Variants in SYNE1 observed in about 807,000 individuals in gnomAD.
SYNE1 encodes spectrin repeat containing nuclear envelope protein 1.
Under a neutral mutation model 1,111.0 loss-of-function variants are expected in SYNE1, and 616 were observed. The observed-to-expected ratio is 0.55, with a 90% confidence interval of 0.52 to 0.59. SYNE1 has a LOEUF of 0.59. SYNE1 is among the 20% of genes least tolerant of loss of function. SYNE1 has a pLI of 0.00. For missense variants in SYNE1, 10,006 were observed against 10,417.0 expected, an observed-to-expected ratio of 0.96 and a Z score of 1.72; for synonymous variants, 3,855 against 3,825.8, an observed-to-expected ratio of 1.01 and a Z score of -0.28.
At chr6:152,401,477 T>C (rs1385172447) in intron 46 of SYNE1, 136 bp from the exon 47 acceptor site, 30 of 834,196 alleles carry the variant, frequency 3.6e-5, no homozygotes, top group Non-Finnish European at 5.2e-5. Flanking sequence ...AATGTTAATA[T>C]GCCTTTCCAA....
At chr6:152,219,207 C>T (rs776718386) in intron 119 of SYNE1, 22 bp from the exon 120 acceptor site, 1 of 1,611,184 alleles carries the variant, frequency 6.2e-7, no homozygotes, top group Non-Finnish European at 8.5e-7. Context: ...GAAAATATGC[C>T]CACTCTGAAG....
chr6:152,606,978 CTTTTTTTTTTTT>C (rs71017544), intron 3 of SYNE1, among the ~76,000 whole-genome samples: 3 of 62,210 alleles, frequency 4.8e-5, no homozygotes, highest in African/African-American at 7.5e-5. Context: ...CCTCGGTTCT[CTTTTTTTTTTTT>C]TTTTTTTTTT....
At chr6:152,532,712 C>T (rs1377338724) in intron 4 of SYNE1, among the ~76,000 whole-genome samples, 1 of 152,114 alleles carries the variant, frequency 6.6e-6, no homozygotes, top group African/African-American at 2.4e-5. Context: ...GTGCACAGAA[C>T]GACCCATAAC....
chr6:152,243,622 G>A (rs1472116104), intron 106 of SYNE1, among the ~76,000 whole-genome samples: 1 of 152,084 alleles, frequency 6.6e-6, no homozygotes, highest in Admixed American at 6.5e-5. Context: ...TGGGGGAGGT[G>A]GGCTTATGAT....
intron 114 of SYNE1, 29 bp from the exon 115 acceptor site, chr6:152,230,731 C>T: frequency 6.2e-7 from 1 of 1,610,556 alleles, no homozygotes; most frequent in Non-Finnish European, 8.5e-7. Context: ...ATGAAATTTG[C>T]AACTTTATTT....
intron 127 of SYNE1, among the ~76,000 whole-genome samples, chr6:152,193,107 G>GT (rs1365471132): frequency 6.6e-6 from 1 of 151,812 alleles, no homozygotes; most frequent in African/African-American, 2.4e-5. Flanking sequence ...TTTATTATTT[G>GT]TTTTTTTCTG....
intron 128 of SYNE1, among the ~76,000 whole-genome samples, chr6:152,189,000 T>C (rs1274524227): frequency 8.5e-6 from 1 of 117,358 alleles, no homozygotes; most frequent in African/African-American, 3.6e-5. Flanking sequence ...TATATATATA[T>C]ATATATATAT....
intron 10 of SYNE1, among the ~76,000 whole-genome samples, chr6:152,499,829 T>C (rs945268041): frequency 3.3e-5 from 5 of 152,206 alleles, no homozygotes; most frequent in African/African-American, 1.2e-4. Flanking sequence ...ATCCTCTTTT[T>C]AGGAAAGGGA....
intron 84 of SYNE1, among the ~76,000 whole-genome samples, chr6:152,320,789 C>T (rs1340777546): frequency 6.6e-6 from 1 of 152,188 alleles, no homozygotes; most frequent in African/African-American, 2.4e-5. Context: ...CACCCGCATG[C>T]ATTTTAGGAA....
chr6:152,438,217 G>A (rs542555248), intron 32 of SYNE1, among the ~76,000 whole-genome samples: 1 of 152,144 alleles, frequency 6.6e-6, no homozygotes, highest in South Asian at 2.1e-4. Context: ...ATTCAATTGT[G>A]GAGATTACAA....
chr6:152,605,076 A>G (rs375491195), intron 3 of SYNE1, among the ~76,000 whole-genome samples: 1,906 of 31,894 alleles, frequency 0.06, 14 homozygotes, highest in African/African-American at 0.099. Flanking sequence ...GAGGGAGGAA[A>G]GAAGGAAGGA....
chr6:152,363,709 A>G (rs2096992278), intron 63 of SYNE1: 2 of 454,354 alleles, frequency 4.4e-6, no homozygotes, highest in African/African-American at 2.0e-5. Flanking sequence ...TCTTAGCTTG[A>G]AGACATTCTC....
At chr6:152,280,445 T>A (rs1396828443) in intron 97 of SYNE1, among the ~76,000 whole-genome samples, 2 of 152,214 alleles carry the variant, frequency 1.3e-5, no homozygotes, top group Non-Finnish European at 2.9e-5. Context: ...TTTGTAATTT[T>A]TTTTTAAGCT....
chr6:152,317,094 A>G (rs1397917618), intron 86 of SYNE1, 108 bp from the exon 87 acceptor site: 3 of 1,281,096 alleles, frequency 2.3e-6, no homozygotes, highest in East Asian at 2.3e-5. Context: ...GTTGATCATT[A>G]TAATACCTAT....
At chr6:152,317,618 G>T (rs1181265510) in intron 86 of SYNE1, among the ~76,000 whole-genome samples, 1 of 152,130 alleles carries the variant, frequency 6.6e-6, no homozygotes, top group East Asian at 1.9e-4. Flanking sequence ...CCAACTCCTG[G>T]TTTTAACTTG....
rs1454377562 is a variant in SYNE1, at chr6:152,330,411, T to C, written c.14274A>G (p.Leu4758=). The change falls in exon 78 of 146, where the codon TTA becomes TTG. Residue 4758 remains leucine, a synonymous_variant. Transcript: ENST00000367255. ...CTGTTTGTCGCTTCAGCCTGTGATA[T>C]AAGGTGACAAGGTGCAGCATCTTGT... ...QPDKMLHLVT[L]YHRLKRQTEQ... is the part of the protein sequence containing the mutation. 4.3e-6 allele frequency: 7 copies of C among 1,614,066 alleles called. No homozygotes were observed. Among genetic ancestry groups the C allele is most frequent in the Non-Finnish European group, 5.9e-6 (7 of 1,180,046 alleles).
At chr6:152,154,483 C>CAT (rs1438165867) in intron 133 of SYNE1, among the ~76,000 whole-genome samples, 2 of 146,296 alleles carry the variant, frequency 1.4e-5, no homozygotes, top group Non-Finnish European at 3.0e-5. Context: ...CACACACACA[C>CAT]ACTGCGATTA....
intron 5 of SYNE1, among the ~76,000 whole-genome samples, chr6:152,521,746 A>G (rs928117121): frequency 1.3e-5 from 2 of 152,120 alleles, no homozygotes; most frequent in African/African-American, 4.8e-5. Context: ...TATTTTATAT[A>G]TTCCTGATTT....
rs1243354775 is a variant in SYNE1 at position 152,256,482 on chromosome 6, G to C, written c.19104+152C>G. 9 of 742,406 alleles carry C rather than the reference G, an allele frequency of 1.2e-5. No homozygotes were observed. In the East Asian group the frequency reaches 2.8e-4, roughly 23 times the overall value. The allele number at this position is 742,406 out of a possible 1,614,324, so 46.0% of individuals were successfully genotyped here. On this transcript the variant is annotated intron_variant, in intron 102 of 145. Transcript: ENST00000367255. Reference sequence around the variant, plus strand: ...AATAAATAAATAGGATGGGACTCCAGGGTCCAGTGATCTTTGTTTCAGCGC... The same window carrying C: ...AATAAATAAATAGGATGGGACTCCACGGTCCAGTGATCTTTGTTTCAGCGC...
Sources: gnomAD v4.1 joint callset for allele counts (sites outside exome capture counted in the v4.1 genomes callset) on GRCh38, gnomAD v4.1.1 for gene constraint, MANE v1.5 for transcripts, NCBI Gene and HGNC (gene_info 2026-07-23, HGNC 2026-07-21) for gene names.